Variants in CORIN observed in about 807,000 individuals in gnomAD.
The protein encoded by CORIN is atrial natriuretic peptide-converting enzyme.
A neutral mutation model predicts 125.3 loss-of-function variants in CORIN; 117 were observed. The ratio of observed to expected loss-of-function variants is 0.93; its 90% CI spans 0.80 to 1.09. CORIN has a LOEUF of 1.09. Ranked by LOEUF, CORIN falls within the 50% of genes least tolerant of loss-of-function variation. The pLI is 0.00. For synonymous variants in CORIN, 450 were observed against 466.4 expected (o/e 0.96, Z 0.45); for missense variants, 1,253 against 1,306.7 (o/e 0.96, Z 0.63).
At chr4:47,620,512 T>C (rs1009153307) in intron 19 of CORIN, among the ~76,000 whole-genome samples, 1 of 152,176 alleles carries the variant, frequency 6.6e-6, no homozygotes, top group African/African-American at 2.4e-5. Context: ...AATGACGGCT[T>C]GTGAAAAAGA....
chr4:47,597,802 C>G (rs1721309991), intron 21 of CORIN, among the ~76,000 whole-genome samples: 1 of 152,204 alleles, frequency 6.6e-6, no homozygotes, highest in African/African-American at 2.4e-5. Flanking sequence ...TTAGCATCTA[C>G]TCTTTGCAAA....
chr4:47,636,352 G>A (rs1478373589), intron 16 of CORIN, among the ~76,000 whole-genome samples: 2 of 152,160 alleles, frequency 1.3e-5, no homozygotes, highest in Non-Finnish European at 2.9e-5. Flanking sequence ...TGTTTCAACT[G>A]AGCATTTGGC....
chr4:47,699,637 G>A (rs1228642645), intron 5 of CORIN, among the ~76,000 whole-genome samples: 2 of 152,236 alleles, frequency 1.3e-5, no homozygotes, highest in Non-Finnish European at 2.9e-5. Context: ...CTGAGAATAT[G>A]AGGTGTCTAT....
chr4:47,798,846 A>T (rs1355009224), intron 2 of CORIN, among the ~76,000 whole-genome samples: 1 of 152,106 alleles, frequency 6.6e-6, no homozygotes, highest in Non-Finnish European at 1.5e-5. Context: ...GCCCTCCTCC[A>T]TAGTCCCCAG....
chr4:47,688,704 T>G (rs1222450841), intron 6 of CORIN, among the ~76,000 whole-genome samples: 4 of 152,226 alleles, frequency 2.6e-5, no homozygotes, highest in Non-Finnish European at 5.9e-5. Context: ...GGCTTAACAG[T>G]ATCTTTCTAT....
chr4:47,787,687 G>A (rs1433413871), intron 2 of CORIN, among the ~76,000 whole-genome samples: 1 of 152,238 alleles, frequency 6.6e-6, no homozygotes, highest in Non-Finnish European at 1.5e-5. Flanking sequence ...TTCCTTAGTG[G>A]TGATTTGTGA....
Position 47,665,066 on chromosome 4 carries a change from C to A in CORIN, c.1555G>T (p.Asp519Tyr). Reference sequence around the variant, plus strand: ...GGGATATGCTCGCCTGTATTCACATCACATTTTGGTACCAAAATGGTGCAA... The same window carrying A: ...GGGATATGCTCGCCTGTATTCACATAACATTTTGGTACCAAAATGGTGCAA... ...FSCTILVPKC[D>Y]VNTGEHIPPC... The change falls in exon 11 of 22, where the codon GAT becomes TAT. Residue 519 changes from aspartate to tyrosine, a missense_variant. Coordinates refer to ENST00000273857, the MANE Select transcript of CORIN (RefSeq NM_006587.4). 5.0e-6 allele frequency: 8 copies of A among 1,612,262 alleles called. No individual in the cohort carries two copies. The highest frequency in any genetic ancestry group is 6.8e-6 in the Non-Finnish European group (8 of 1,178,364).
At chr4:47,607,150 T>C (rs1721680154) in intron 19 of CORIN, among the ~76,000 whole-genome samples, 1 of 152,224 alleles carries the variant, frequency 6.6e-6, no homozygotes, top group African/African-American at 2.4e-5. Flanking sequence ...AGTCTCTTGT[T>C]ACATAAGCTA....
At chr4:47,835,312 T>C (rs1181049609) in intron 1 of CORIN, among the ~76,000 whole-genome samples, 1 of 152,196 alleles carries the variant, frequency 6.6e-6, no homozygotes, top group African/African-American at 2.4e-5. Flanking sequence ...CATGAATCCA[T>C]ACTTGTTGAA....
At chr4:47,805,711 T>C (rs1388937322) in intron 2 of CORIN, among the ~76,000 whole-genome samples, 2 of 151,946 alleles carry the variant, frequency 1.3e-5, no homozygotes, top group African/African-American at 4.9e-5. Flanking sequence ...CAAATAAATA[T>C]CATAAAAAGC....
At chr4:47,626,274 TA>T in intron 17 of CORIN, 130 bp downstream of exon 17, 1 of 644,434 alleles carries the variant, frequency 1.6e-6, no homozygotes, top group East Asian at 2.5e-5. Context: ...AAGGCAATAG[TA>T]AATCTATGGA....
At chr4:47,614,454 C>T (rs573077769) in intron 19 of CORIN, among the ~76,000 whole-genome samples, 2 of 152,202 alleles carry the variant, frequency 1.3e-5, no homozygotes, top group Non-Finnish European at 2.9e-5. Context: ...CCACCTCAGC[C>T]TCCCAAAGTG....
At chr4:47,714,646 A>C (rs1422025763) in intron 5 of CORIN, among the ~76,000 whole-genome samples, 1 of 152,260 alleles carries the variant, frequency 6.6e-6, no homozygotes, top group Non-Finnish European at 1.5e-5. Context: ...ACAACTGTTC[A>C]ACTACACCAA....
intron 19 of CORIN, among the ~76,000 whole-genome samples, chr4:47,609,482 C>T (rs1465742300): frequency 6.6e-6 from 1 of 152,144 alleles, no homozygotes. Context: ...TCAGGTGATC[C>T]ACCCACTTCA....
chr4:47,805,150 ATAAT>A (rs1351412486), intron 2 of CORIN, among the ~76,000 whole-genome samples: 20 of 134,132 alleles, frequency 1.5e-4, no homozygotes, highest in African/African-American at 4.0e-4. Flanking sequence ...AAAAAAAAAA[ATAAT>A]AATAATAATA....
Position 47,626,464 on chromosome 4 carries a change from T to A in CORIN, c.2256A>T (p.Thr752=), listed in dbSNP as rs766721644. 6.2e-7 allele frequency: 1 copy of A among 1,614,004 alleles called. No individual in the cohort carries two copies. The highest frequency in any genetic ancestry group is 8.5e-7 in the Non-Finnish European group (1 of 1,179,986). The change falls in exon 17 of 22, where the codon ACA becomes ACT. Residue 752 remains threonine (T), a synonymous_variant. Transcript: ENST00000273857. The part of the protein sequence containing the change: ...QEQEKEPRWL[T]LHSNWESLNG... ...TGAGGCTCTCCCAGTTGGAGTGTAA[T>A]GTCAGCCACCGCGGCTCTTTCTCCT...
chr4:47,829,792 G>C (rs1264084099), intron 1 of CORIN, among the ~76,000 whole-genome samples: 2 of 152,158 alleles, frequency 1.3e-5, no homozygotes, highest in Non-Finnish European at 2.9e-5. Flanking sequence ...AAACAATAAA[G>C]TAAAATGGGA....
chr4:47,821,179 G>A (rs1732495058), intron 1 of CORIN, among the ~76,000 whole-genome samples: 1 of 151,882 alleles, frequency 6.6e-6, no homozygotes, highest in Non-Finnish European at 1.5e-5. Context: ...AGGTTTCAGT[G>A]AGCCAAGATC....
At chr4:47,823,650 G>A (rs1269855331) in intron 1 of CORIN, among the ~76,000 whole-genome samples, 4 of 152,142 alleles carry the variant, frequency 2.6e-5, no homozygotes, top group Non-Finnish European at 5.9e-5. Context: ...ATATCACAGA[G>A]GTCCAGATCT....
Sources: gnomAD v4.1 joint callset for allele counts (sites outside exome capture counted in the v4.1 genomes callset) on GRCh38, gnomAD v4.1.1 for gene constraint, MANE v1.5 for transcripts, NCBI Gene and HGNC (gene_info 2026-07-23, HGNC 2026-07-21) for gene names.